The following COG8 variants were observed in gnomAD, a reference collection of about 807,000 sequenced individuals.
COG8 encodes the protein conserved oligomeric Golgi complex subunit 8.
In COG8, 45 loss-of-function variants were observed where a neutral mutation model predicts 46.5. That is an observed-to-expected ratio of 0.97 (90% confidence interval 0.76 to 1.24). COG8 has a LOEUF of 1.24. Among genes scored for constraint, COG8 ranks in the 50% most tolerant of loss-of-function variants. The pLI is 0.00. For synonymous variants in COG8, 407 were observed against 347.8 expected (o/e 1.17, Z -1.90); for missense variants, 793 against 820.8 (o/e 0.97, Z 0.41).
intron 2 of COG8, 79 bp downstream of exon 2, chr16:69,336,426 A>T: frequency 7.4e-7 from 1 of 1,348,316 alleles, no homozygotes; most frequent in Non-Finnish European, 1.0e-6. Flanking sequence ...AAGAGTTTCT[A>T]CCTAAAGCTT....
rs991110846 is a variant in COG8 at position 69,330,649 on chromosome 16, A to T, written c.*26+164T>A. ...ACGCCGGGAAGCGCCGTCGGCCAGC[A>T]CACAGCGAAGCCGCGACTGGATCCC... is the stretch of plus-strand genomic sequence containing the variant. On this transcript the variant is annotated intron_variant, in intron 5 of 5. Transcript: ENST00000306875. The T allele has an allele frequency of 8.5e-6, 12 of 1,409,734 alleles. No individual in the cohort carries two copies. The African/African-American group carries it at 1.1e-4, about 12-fold the overall frequency. The allele number at this position is 1,409,734 out of a possible 1,614,324, so 87.3% of individuals were successfully genotyped here. A position where few individuals can be genotyped will look rare whatever the true frequency, so the allele number is the denominator to read the frequency against.
In COG8 at chr16:69,328,697, T is replaced by C. The variant is rs1166344062; in HGVS notation, c.*509A>G. On this transcript the variant is annotated 3_prime_UTR_variant, in exon 6 of 6. Coordinates refer to ENST00000306875, the MANE Select transcript of COG8 (RefSeq NM_032382.5). The stretch of plus-strand genomic sequence containing the variant: ...GACTACATTATTACCAAACCTTGGC[T>C]TTGGGAGATTATACAGGTCCGAGGA... 3.7e-6 allele frequency: 1 copy of C among 271,258 alleles called. No individual in the cohort carries two copies. Among genetic ancestry groups the C allele is most frequent in the Non-Finnish European group, 6.9e-6 (1 of 144,586 alleles). The allele number at this position is 271,258 out of a possible 1,614,324, so 16.8% of individuals were successfully genotyped here.
rs116149374 is a variant in COG8, at chr16:69,332,440, G to A, written c.1582+274C>T. On this transcript the variant is annotated intron_variant, in intron 4 of 5. Transcript: ENST00000306875. Reference sequence around the variant, plus strand: ...AGTTCTTTTGTGACTGGCTTCTTCCGCTTAGCCAGATACAGCCACATAATG... The same window carrying A: ...AGTTCTTTTGTGACTGGCTTCTTCCACTTAGCCAGATACAGCCACATAATG... Among the ~76,000 whole-genome samples the A allele has an allele frequency of 2.5e-3, 379 of 152,176 alleles. 2 individuals carry two copies. Among genetic ancestry groups the A allele is most frequent in the African/African-American group, 7.1e-3 (296 of 41,530 alleles).
In COG8 at chr16:69,334,578, G is replaced by A; in HGVS notation, c.1356C>T (p.Cys452=). ...CATCCTGCGCCAGGGCCACAGGGCA[G>A]CAGAGGCGCAGATCATTGAAGGCAA... is the stretch of plus-strand genomic sequence containing the variant. The part of the protein sequence containing the change: ...ILVAFNDLRL[C]CPVALAQDVT... The change falls in exon 3 of 6, where the codon TGC becomes TGT. Residue 452 remains cysteine (C), a synonymous_variant. Transcript: ENST00000306875. 1 of 1,614,212 alleles carries A rather than the reference G, an allele frequency of 6.2e-7. No homozygotes were observed. The highest frequency in any genetic ancestry group is 2.2e-5 in the East Asian group (1 of 44,882).
Position 69,338,948 on chromosome 16 carries a change from C to T in COG8, c.377+228G>A, listed in dbSNP as rs1358467202. 8.2e-6 allele frequency: 5 copies of T among 610,794 alleles called. No individual in the cohort carries two copies. The East Asian group carries it at 1.5e-4, about 18-fold the overall frequency. The allele number at this position is 610,794 out of a possible 1,614,324, so 37.8% of individuals were successfully genotyped here. On this transcript the variant is annotated intron_variant, in intron 1 of 5. Coordinates refer to ENST00000306875, the MANE Select transcript of COG8 (RefSeq NM_032382.5). ...GAGGTAGGTTGCAGCGAGCCGAGAT[C>T]TCGCCACTGCACTCCAGCCTGGCGA...
intron 4 of COG8, 51 bp from the exon 5 acceptor site, chr16:69,331,146 C>G: frequency 1.2e-6 from 2 of 1,605,832 alleles, no homozygotes; most frequent in East Asian, 4.5e-5. Context: ...TAATAAAACT[C>G]AATATAGAAA....
At chr16:69,331,629 G>C (rs576650503) in intron 4 of COG8, among the ~76,000 whole-genome samples, 4 of 151,762 alleles carry the variant, frequency 2.6e-5, no homozygotes, top group Admixed American at 2.6e-4. Flanking sequence ...CAGCCTCCGT[G>C]GTAGCTGGGA....
intron 4 of COG8, among the ~76,000 whole-genome samples, chr16:69,331,747 C>T (rs982489144): frequency 2.0e-5 from 3 of 152,000 alleles, no homozygotes; most frequent in Non-Finnish European, 4.4e-5. Flanking sequence ...GTGATCCATC[C>T]GCCTCGGCCT....
At chr16:69,334,327 A>G (rs2098375294) in intron 3 of COG8, among the ~76,000 whole-genome samples, 194 bp downstream of exon 3, 1 of 152,236 alleles carries the variant, frequency 6.6e-6, no homozygotes, top group South Asian at 2.1e-4. Flanking sequence ...ACTATAGGCA[A>G]ATCACTTCAT....
At position 69,327,160 on chromosome 16, in the gene COG8, C is replaced by CTTTTTTTTTTTTT. The variant is rs1169149930; in HGVS notation, c.*2033_*2045dup. ...TGCACCAGTATCTGGTTGGGATTCC[C>CTTTTTTTTTTTTT]TTTTTTTTTTTTTTTTTTTTTTTTT... On this transcript the variant is annotated 3_prime_UTR_variant, in exon 6 of 6. Transcript: ENST00000306875. 1 of 91,588 alleles carries CTTTTTTTTTTTTT rather than the reference C, an allele frequency of 1.1e-5. No individual in the cohort carries two copies. Among genetic ancestry groups the CTTTTTTTTTTTTT allele is most frequent in the African/African-American group, 4.5e-5 (1 of 22,410 alleles). 5.7% of individuals were successfully genotyped at this position (91,588 alleles called of 1,614,324 possible). A position where few individuals can be genotyped will look rare whatever the true frequency, so the allele number is the denominator to read the frequency against.
In COG8 at chr16:69,330,095, C is replaced by T. The variant is rs146706303; in HGVS notation, c.*26+718G>A. 1.1e-4 allele frequency: 167 copies of T among 1,579,374 alleles called. No homozygotes were observed. The African/African-American group carries it at 1.8e-3, about 17-fold the overall frequency. ...GGTGACCAGGCGGCTGTCAAGCACT[C>T]GCAGGCTGGGGTTCACGAACACGCG... On this transcript the variant is annotated intron_variant, in intron 5 of 5. Coordinates refer to ENST00000306875, the MANE Select transcript of COG8 (RefSeq NM_032382.5).
intron 1 of COG8, among the ~76,000 whole-genome samples, chr16:69,337,116 C>T (rs762650974): frequency 1.3e-4 from 20 of 152,000 alleles, no homozygotes; most frequent in Non-Finnish European, 2.6e-4. Context: ...CCCATCTCTA[C>T]TAAAAATACA....
In COG8 at chr16:69,328,091, G is replaced by A. The variant is rs891102146; in HGVS notation, c.*1115C>T. The A allele has an allele frequency of 2.0e-5, 3 of 152,132 alleles. No homozygotes were observed. Among genetic ancestry groups the A allele is most frequent in the Non-Finnish European group, 2.9e-5 (2 of 68,054 alleles). The allele number at this position is 152,132 out of a possible 1,614,324, so 9.4% of individuals were successfully genotyped here. A position where few individuals can be genotyped will look rare whatever the true frequency, so the allele number is the denominator to read the frequency against. On this transcript the variant is annotated 3_prime_UTR_variant, in exon 6 of 6. Coordinates refer to ENST00000306875, the MANE Select transcript of COG8 (RefSeq NM_032382.5). ...GCTTCACGAGTAGCTGGGATTACAG[G>A]TGCTCGCCACCACGCCCGGCTAATT...
Position 69,339,561 on chromosome 16 carries a change from C to T in COG8, c.-9G>A. Reference sequence around the variant, plus strand: ...GTCGCCGCGGTCGCCATCTTCCCAGCAACAACGTCACTTCCCTTCCGGACC... The same window carrying T: ...GTCGCCGCGGTCGCCATCTTCCCAGTAACAACGTCACTTCCCTTCCGGACC... On this transcript the variant is annotated 5_prime_UTR_variant, in exon 1 of 6. Transcript: ENST00000306875. 1 of 1,609,208 alleles carries T rather than the reference C, an allele frequency of 6.2e-7. No individual in the cohort carries two copies. Among genetic ancestry groups the T allele is most frequent in the Non-Finnish European group, 8.5e-7 (1 of 1,179,986 alleles).
chr16:69,334,853 C>T lies in COG8; in HGVS notation c.1081G>A (p.Ala361Thr). 1.9e-6 allele frequency: 3 copies of T among 1,614,218 alleles called. No homozygotes were observed. The highest frequency in any genetic ancestry group is 2.5e-6 in the Non-Finnish European group (3 of 1,180,048). ...YFGLSFSRVG[A>T]DFRGQLAPVF... ...GGAGCCAACTGACCCCGGAAATCAGCTCCCACCCGGCTGAAGGACAGCCCA... is the reference window on the plus strand; with the variant it reads ...GGAGCCAACTGACCCCGGAAATCAGTTCCCACCCGGCTGAAGGACAGCCCA... Residue 361 changes from alanine to threonine, a missense_variant, in exon 3 of 6, where the codon GCT becomes ACT. By Grantham distance (58) the Ala-to-Thr change is moderately conservative. Coordinates refer to ENST00000306875, the MANE Select transcript of COG8 (RefSeq NM_032382.5).
In COG8 at chr16:69,335,280, G is replaced by C; in HGVS notation, c.654C>G (p.Thr218=). ...MLSQLIQQLR[T]NIQLPACLRV... ...GGAGGCAGGCAGGAAGCTGGATGTT[G>C]GTCCTCAGTTGCTGGATCAGCTGGC... Residue 218 remains threonine, a synonymous_variant, in exon 3 of 6, where the codon ACC becomes ACG. Transcript: ENST00000306875. The C allele has an allele frequency of 1.2e-6, 2 of 1,612,824 alleles. No homozygotes were observed. The highest frequency in any genetic ancestry group is 1.7e-6 in the Non-Finnish European group (2 of 1,179,818).
At chr16:69,333,033 G>C (rs1324250467) in intron 3 of COG8, 151 bp from the exon 4 acceptor site, 1 of 731,136 alleles carries the variant, frequency 1.4e-6, no homozygotes, top group African/African-American at 1.8e-5. Flanking sequence ...TTTAAACTCA[G>C]AATTATGGTC....
rs770925117 is a variant in COG8, at chr16:69,336,655, G to T, written c.435C>A (p.Thr145=). The change falls in exon 2 of 6, where the codon ACC becomes ACA. Residue 145 remains threonine (T), a synonymous_variant. Coordinates refer to ENST00000306875, the MANE Select transcript of COG8 (RefSeq NM_032382.5). The part of the protein sequence containing the change: ...ISSNRRMNSL[T]LNRHTEILEI... ...CCAAAATTTCTGTGTGCCGGTTTAG[G>T]GTCAGGCTATTCATCCGGCGGTTGG... is the stretch of plus-strand genomic sequence containing the variant. The T allele has an allele frequency of 1.2e-6, 2 of 1,614,078 alleles. No homozygotes were observed. The highest frequency in any genetic ancestry group is 2.2e-5 in the South Asian group (2 of 91,076).
chr16:69,330,907 C>T lies in COG8; in HGVS notation c.1771G>A (p.Ala591Thr). ...CCTCCCTCCGGGCAGGCTGGGCCCG[C>T]GGGCTCCAGGCGTGGCTCCTCGGCG... ...PPAEEPRLEP[A>T]GPACPEGGRA... The change falls in exon 5 of 6, where the codon GCG (alanine) becomes ACG (threonine). Residue 591 changes from alanine to threonine, a missense_variant. Coordinates refer to ENST00000306875, the MANE Select transcript of COG8 (RefSeq NM_032382.5). 1 of 1,553,684 alleles carries T rather than the reference C, an allele frequency of 6.4e-7. No individual in the cohort carries two copies. Among genetic ancestry groups the T allele is most frequent in the Non-Finnish European group, 8.7e-7 (1 of 1,148,692 alleles).
Sources: allele counts gnomAD v4.1 joint callset (sites outside exome capture counted in the v4.1 genomes callset), GRCh38; gene constraint gnomAD v4.1.1; transcripts MANE v1.5; gene names NCBI Gene and HGNC (gene_info 2026-07-23, HGNC 2026-07-21).